The following RGL1 variants were observed in gnomAD, a reference collection of about 807,000 sequenced individuals.
RGL1 encodes the protein ral guanine nucleotide dissociation stimulator-like 1.
A neutral mutation model predicts 95.2 loss-of-function variants in RGL1; 24 were observed. The ratio of observed to expected loss-of-function variants is 0.25; its 90% CI spans 0.18 to 0.35. RGL1 has a LOEUF of 0.35. Among genes scored for constraint, RGL1 ranks in the 10% least tolerant of loss-of-function variants. The probability of loss-of-function intolerance (pLI) is 1.00; values close to 1 mark genes in which losing one functional copy is unlikely to be tolerated. For missense variants in RGL1, 715 were observed against 936.3 expected (o/e 0.76, Z 3.08); for synonymous variants, 329 against 344.9 (o/e 0.95, Z 0.51).
intron 3 of RGL1, among the ~76,000 whole-genome samples, chr1:183,859,262 A>C (rs1225852992): frequency 1.3e-5 from 2 of 152,234 alleles, no homozygotes; most frequent in African/African-American, 4.8e-5. Context: ...GAAACGGATG[A>C]CAGAGGCTTG....
At chr1:183,651,143 G>A (rs16861408) in intron 1 of RGL1, among the ~76,000 whole-genome samples, 1,974 of 152,120 alleles carry the variant, frequency 0.013, 51 homozygotes, top group African/African-American at 0.046. Flanking sequence ...CTCTACTCCT[G>A]TGATTTTTTT....
intron 1 of RGL1, chr1:183,648,414 T>G: frequency 6.2e-7 from 1 of 1,614,236 alleles, no homozygotes; most frequent in South Asian, 1.1e-5. Flanking sequence ...AGGGGAGTTG[T>G]TGGAATACAG....
intron 1 of RGL1, among the ~76,000 whole-genome samples, chr1:183,730,302 A>G (rs1310410409): frequency 6.6e-6 from 1 of 152,078 alleles, no homozygotes; most frequent in Non-Finnish European, 1.5e-5. Flanking sequence ...CCACTTAAAT[A>G]CTGGCTAAGA....
chr1:183,882,760 T>C (rs1666897083), intron 5 of RGL1, among the ~76,000 whole-genome samples: 1 of 152,090 alleles, frequency 6.6e-6, no homozygotes, highest in Non-Finnish European at 1.5e-5. Context: ...TCTCGGAAGC[T>C]CCTTTTCCCT....
At chr1:183,644,597 T>C (rs1333077521) in intron 1 of RGL1, among the ~76,000 whole-genome samples, 1 of 152,112 alleles carries the variant, frequency 6.6e-6, no homozygotes, top group Admixed American at 6.5e-5. Flanking sequence ...GGCCGAATAA[T>C]ATTATTTTAA....
intron 1 of RGL1, among the ~76,000 whole-genome samples, chr1:183,740,757 C>T (rs1657243694): frequency 2.0e-5 from 3 of 152,184 alleles, no homozygotes. Flanking sequence ...CTGACTTTTA[C>T]ATCTGTTACT....
chr1:183,687,506 T>C (rs1042967347), intron 1 of RGL1, among the ~76,000 whole-genome samples: 1 of 152,212 alleles, frequency 6.6e-6, no homozygotes, highest in Non-Finnish European at 1.5e-5. Context: ...ATCTTAGATA[T>C]ACAGTATCAC....
In RGL1 at chr1:183,873,258, T is replaced by G. The variant is rs560593577; in HGVS notation, c.425+7185T>G. 1.6e-3 allele frequency among the ~76,000 whole-genome samples: 240 copies of G among 152,340 alleles called. 3 individuals carry two copies. The highest frequency in any genetic ancestry group is 5.6e-3 in the African/African-American group (234 of 41,576). ...AGACATCACAATTAGACTGTATTGT[T>G]TGATTCCCTGCACAGCATTGTAAAC... On this transcript the variant is annotated intron_variant, in intron 4 of 17. Coordinates refer to ENST00000360851, the MANE Select transcript of RGL1 (RefSeq NM_001297671.3).
intron 7 of RGL1, 67 bp from the exon 8 acceptor site, chr1:183,888,407 G>A: frequency 1.1e-6 from 1 of 950,092 alleles, no homozygotes; most frequent in Non-Finnish European, 1.7e-6. Context: ...TCTAAAACAG[G>A]AAACCACCAA....
At chr1:183,667,778 T>C (rs1652143694) in intron 1 of RGL1, among the ~76,000 whole-genome samples, 1 of 152,244 alleles carries the variant, frequency 6.6e-6, no homozygotes, top group Admixed American at 6.5e-5. Context: ...ATCTGTATGA[T>C]TGTATTTTTC....
chr1:183,822,219 G>C (rs1662537855), intron 2 of RGL1, among the ~76,000 whole-genome samples: 1 of 152,016 alleles, frequency 6.6e-6, no homozygotes, highest in South Asian at 2.1e-4. Context: ...AAAAATATCT[G>C]GCAGGCAAGA....
intron 12 of RGL1, 41 bp downstream of exon 12, chr1:183,902,641 GA>G: frequency 1.9e-6 from 3 of 1,581,182 alleles, no homozygotes; most frequent in Admixed American, 1.9e-5. Context: ...GTCTGAGCAT[GA>G]AAAAAATGAA....
At chr1:183,736,264 G>T (rs1340303634) in intron 1 of RGL1, among the ~76,000 whole-genome samples, 1 of 152,208 alleles carries the variant, frequency 6.6e-6, no homozygotes, top group Non-Finnish European at 1.5e-5. Context: ...GTAGTTTGGA[G>T]CCTTCAGTTC....
intron 1 of RGL1, among the ~76,000 whole-genome samples, chr1:183,684,600 TTCTG>T (rs1017315775): frequency 2.6e-5 from 4 of 152,152 alleles, no homozygotes; most frequent in Non-Finnish European, 4.4e-5. Flanking sequence ...GAGTGAACCG[TTCTG>T]TCTCACTGGT....
chr1:183,906,478 A>T (rs1181165918), intron 13 of RGL1, among the ~76,000 whole-genome samples: 6 of 150,328 alleles, frequency 4.0e-5, no homozygotes, highest in Admixed American at 2.0e-4. Context: ...AAAATAAATA[A>T]ATATATATAT....
intron 2 of RGL1, among the ~76,000 whole-genome samples, chr1:183,749,936 GTC>G (rs1423870686): frequency 2.0e-5 from 3 of 152,220 alleles, no homozygotes; most frequent in Non-Finnish European, 4.4e-5. Context: ...TCCACTGTCA[GTC>G]TGATGGGCTT....
At chr1:183,876,329 G>A (rs1286574737) in intron 4 of RGL1, among the ~76,000 whole-genome samples, 1 of 152,234 alleles carries the variant, frequency 6.6e-6, no homozygotes, top group African/African-American at 2.4e-5. Context: ...CCCTATAGAC[G>A]ATTGCAGTCG....
intron 4 of RGL1, among the ~76,000 whole-genome samples, chr1:183,870,918 A>G (rs568204441): frequency 4.9e-4 from 75 of 152,040 alleles, no homozygotes; most frequent in African/African-American, 1.8e-3. Flanking sequence ...AGCCTGGAGA[A>G]CTCGGATCCT....
chr1:183,800,034 G>C (rs1283773190), intron 2 of RGL1, among the ~76,000 whole-genome samples: 4 of 152,112 alleles, frequency 2.6e-5, no homozygotes, highest in Admixed American at 2.6e-4. Context: ...GAAAAATAAG[G>C]CTGTGAGAAG....
Sources: allele counts gnomAD v4.1 joint callset (sites outside exome capture counted in the v4.1 genomes callset), GRCh38; gene constraint gnomAD v4.1.1; transcripts MANE v1.5; gene names NCBI Gene and HGNC (gene_info 2026-07-23, HGNC 2026-07-21).